The following HTT-AS variants were observed in gnomAD, a reference collection of about 807,000 sequenced individuals.
HTT-AS encodes HTT antisense RNA.
rs570325235 is a variant in HTT-AS, at chr4:3,056,632, C to T, written n.1380+5802G>A. ...CCCTTCTGAAAATTTAGAACAATTT[C>T]CCCTTTCACCAAAAACGTATTATAA... On this transcript the variant is annotated intron_variant and non_coding_transcript_variant, in intron 2 of 2. Coordinates refer to ENST00000664062, the Ensembl canonical transcript of HTT-AS. Among the ~76,000 whole-genome samples, 123 of 152,290 alleles carry T rather than the reference C, an allele frequency of 8.1e-4. 2 individuals are homozygous for T. Among genetic ancestry groups the T allele is most frequent in the Admixed American group, 1.5e-3 (23 of 15,294 alleles).
chr4:3,057,091 T>A (rs1711816919), intron 2 of HTT-AS, among the ~76,000 whole-genome samples: 1 of 151,910 alleles, frequency 6.6e-6, no homozygotes, highest in Non-Finnish European at 1.5e-5. Context: ...TGGAGTGCAG[T>A]GGCACAATCT....
intron 2 of HTT-AS, among the ~76,000 whole-genome samples, chr4:3,059,231 T>C (rs1319403153): frequency 6.6e-6 from 1 of 152,184 alleles, no homozygotes; most frequent in East Asian, 1.9e-4. Context: ...CTGTTCAAAC[T>C]GTGTTCGGAG....
intron 2 of HTT-AS, among the ~76,000 whole-genome samples, chr4:3,056,470 C>T (rs1560529497): frequency 6.6e-6 from 1 of 152,208 alleles, no homozygotes; most frequent in Non-Finnish European, 1.5e-5. Flanking sequence ...GCTACTGTTA[C>T]AGGTGCGTAA....
chr4:3,049,438 A>G (rs1044590101), exon 3 of HTT-AS, among the ~76,000 whole-genome samples: 1 of 152,160 alleles, frequency 6.6e-6, no homozygotes, highest in African/African-American at 2.4e-5. Flanking sequence ...AAAGAAAAAA[A>G]AAAGAGAGTC....
At chr4:3,071,126 C>G (rs73792182) in intron 1 of HTT-AS, among the ~76,000 whole-genome samples, 1 of 152,140 alleles carries the variant, frequency 6.6e-6, no homozygotes, top group Admixed American at 6.5e-5. Flanking sequence ...TGTAAAGTCC[C>G]GATGATCCAT....
intron 2 of HTT-AS, among the ~76,000 whole-genome samples, chr4:3,051,996 AT>A (rs1400682402): frequency 6.6e-6 from 1 of 152,074 alleles, no homozygotes; most frequent in Non-Finnish European, 1.5e-5. Context: ...TGGAACAGGA[AT>A]TTTGGGTTCA....
rs570264914 is a variant in HTT-AS at position 3,061,960 on chromosome 4, C to T, written n.1380+474G>A. On this transcript the variant is annotated intron_variant and non_coding_transcript_variant, in intron 2 of 2. Coordinates refer to ENST00000664062, the Ensembl canonical transcript of HTT-AS. The stretch of plus-strand genomic sequence containing the variant: ...TCACACCACTGCACTCCAGCCCGGA[C>T]GACAGGGCAAGACTCTATCTCAAAT... Among the ~76,000 whole-genome samples, 37 of 127,948 alleles carry T rather than the reference C, an allele frequency of 2.9e-4. No individual in the cohort carries two copies. The South Asian group carries it at 3.8e-3, about 13-fold the overall frequency. 83.9% of individuals were successfully genotyped at this position (127,948 alleles called of 152,430 possible).
chr4:3,070,393 C>T (rs898667272), intron 1 of HTT-AS, among the ~76,000 whole-genome samples: 6 of 151,742 alleles, frequency 4.0e-5, no homozygotes, highest in East Asian at 1.9e-4. Flanking sequence ...TGGGTTCAAG[C>T]GATTCTCCTG....
At chr4:3,074,251 C>A (rs1312325666) in intron 1 of HTT-AS, among the ~76,000 whole-genome samples, 1 of 132,182 alleles carries the variant, frequency 7.6e-6, no homozygotes. Context: ...TCTCGCCCCG[C>A]CCCTCAGGCG....
At chr4:3,046,630 G>A (rs750877072), downstream of HTT-AS, among the ~76,000 whole-genome samples, 122 of 152,146 alleles carry the variant, frequency 8.0e-4, 1 homozygote, top group Admixed American at 2.0e-4. Flanking sequence ...CATCGTAAAT[G>A]TACTTATTTG....
At chr4:3,055,088 C>T (rs1032998865) in intron 2 of HTT-AS, among the ~76,000 whole-genome samples, 2 of 152,042 alleles carry the variant, frequency 1.3e-5, no homozygotes, top group Admixed American at 1.3e-4. Flanking sequence ...GTGGCTCACA[C>T]CTGTAATCCC....
chr4:3,061,322 C>T (rs1036889575), intron 2 of HTT-AS, among the ~76,000 whole-genome samples: 31 of 152,194 alleles, frequency 2.0e-4, no homozygotes, highest in African/African-American at 7.2e-4. Context: ...TTCTAGGTCA[C>T]AGGTAGACAA....
In HTT-AS at chr4:3,059,536, G is replaced by T. The variant is rs925732178; in HGVS notation, n.1380+2898C>A. Among the ~76,000 whole-genome samples, 3 of 151,978 alleles carry T rather than the reference G, an allele frequency of 2.0e-5. No homozygotes were observed. In the East Asian group the frequency reaches 5.8e-4, roughly 29 times the overall value. ...ATGGCTTTTCAGTATTCCAATATTT[G>T]GAAGTATTAATGTTTCTACCAATTT... On this transcript the variant is annotated intron_variant and non_coding_transcript_variant, in intron 2 of 2. Coordinates refer to ENST00000664062, the Ensembl canonical transcript of HTT-AS.
chr4:3,056,472 G>C, intron 2 of HTT-AS, among the ~76,000 whole-genome samples: 1 of 152,196 alleles, frequency 6.6e-6, no homozygotes, highest in South Asian at 2.1e-4. Context: ...TACTGTTACA[G>C]GTGCGTAAGT....
In HTT-AS at chr4:3,054,720, A is replaced by AT. The variant is rs1022446171; in HGVS notation, n.1381-5023dup. ...CACAACAGGGTTTTCTTTTCTTTCT[A>AT]TTTTTTTTTTTTGAGATGGAGTCTC... is the stretch of plus-strand genomic sequence containing the variant. On this transcript the variant is annotated intron_variant and non_coding_transcript_variant, in intron 2 of 2. Transcript: ENST00000664062. 7.0e-3 allele frequency among the ~76,000 whole-genome samples: 976 copies of AT among 138,866 alleles called. 4 individuals carry two copies. The highest frequency in any genetic ancestry group is 0.014 in the African/African-American group (516 of 35,848). The allele number at this position is 138,866 out of a possible 152,430, so 91.1% of individuals were successfully genotyped here. A position where few individuals can be genotyped will look rare whatever the true frequency, so the allele number is the denominator to read the frequency against.
downstream of HTT-AS, among the ~76,000 whole-genome samples, chr4:3,048,430 G>A (rs981307924): frequency 6.6e-6 from 1 of 152,156 alleles, no homozygotes; most frequent in Admixed American, 6.5e-5. Context: ...AGAGAATGCA[G>A]CGCACCAGGG....
intron 1 of HTT-AS, among the ~76,000 whole-genome samples, chr4:3,068,653 CTTTT>C (rs563024282): frequency 0.068 from 9,416 of 139,098 alleles, 338 homozygotes; most frequent in African/African-American, 0.12. Flanking sequence ...GTGTGTGTAG[CTTTT>C]TTTTTTTTTT....
intron 2 of HTT-AS, among the ~76,000 whole-genome samples, chr4:3,052,194 C>T (rs1420506515): frequency 6.6e-6 from 1 of 152,172 alleles, no homozygotes; most frequent in Non-Finnish European, 1.5e-5. Context: ...GTAACCTTTG[C>T]CATTTTTTGA....
intron 1 of HTT-AS, among the ~76,000 whole-genome samples, chr4:3,069,258 A>G (rs1397614749): frequency 2.0e-5 from 3 of 149,894 alleles, no homozygotes. Context: ...CCATCCTCCC[A>G]CCTAGGCCTC....
Sources: gnomAD v4.1 joint callset for allele counts (sites outside exome capture counted in the v4.1 genomes callset) on GRCh38, gnomAD v4.1.1 for gene constraint, MANE v1.5 for transcripts, NCBI Gene and HGNC (gene_info 2026-07-23, HGNC 2026-07-21) for gene names.